NRF1: variants seen among roughly 807,000 people sequenced by gnomAD.
NRF1 encodes the protein nuclear respiratory factor 1, also known as alpha palindromic-binding protein.
A neutral mutation model predicts 58.5 loss-of-function variants in NRF1; 5 were observed. The observed-to-expected ratio is 0.09, with a 90% CI of 0.04 to 0.18. The LOEUF is 0.18. Among genes scored for constraint, NRF1 ranks in the 10% least tolerant of loss-of-function variants. The pLI, the probability that NRF1 is intolerant of heterozygous loss-of-function variation, is 1.00. For synonymous variants in NRF1, 224 were observed against 246.7 expected, an observed-to-expected ratio of 0.91 and a Z score of 0.86; for missense variants, 288 against 657.7, an observed-to-expected ratio of 0.44 and a Z score of 6.15.
chr7:129,744,332 A>T, intron 10 of NRF1: 1 of 933,916 alleles, frequency 1.1e-6, no homozygotes, highest in Non-Finnish European at 1.7e-6. Flanking sequence ...GGATTCCTCT[A>T]CTGTGCAGTC....
At chr7:129,642,709 A>AC (rs549515971) in intron 1 of NRF1, among the ~76,000 whole-genome samples, 120 of 151,082 alleles carry the variant, frequency 7.9e-4, no homozygotes, top group Non-Finnish European at 1.5e-3. Flanking sequence ...TTTCTCAGTT[A>AC]CCCCCAAAGA....
chr7:129,750,299 A>G (rs987235220), intron 10 of NRF1, among the ~76,000 whole-genome samples: 1 of 152,192 alleles, frequency 6.6e-6, no homozygotes, highest in African/African-American at 2.4e-5. Context: ...TCCCAGCCTG[A>G]TTACTGTACC....
chr7:129,680,165 ATAAT>A (rs1308266638), intron 4 of NRF1, among the ~76,000 whole-genome samples: 3 of 152,236 alleles, frequency 2.0e-5, no homozygotes, highest in Non-Finnish European at 2.9e-5. Flanking sequence ...CTAATGATAA[ATAAT>A]TATTTATCAT....
rs1213468172 is a variant in NRF1 at position 129,727,316 on chromosome 7, G to A, written c.1299G>A (p.Gly433=). 1.2e-6 allele frequency: 2 copies of A among 1,610,078 alleles called. No individual in the cohort carries two copies. Among genetic ancestry groups the A allele is most frequent in the South Asian group, 2.2e-5 (2 of 90,172 alleles). Reference sequence around the variant, plus strand: ...GTGGGGGACAGATCGTCTTGTCTGGGGAAACCGCAGCAGCCGTCGGAGCAC... The same window carrying A: ...GTGGGGGACAGATCGTCTTGTCTGGAGAAACCGCAGCAGCCGTCGGAGCAC... ...LQGGGQIVLS[G]ETAAAVGALT... Residue 433 remains glycine (G), a synonymous_variant, in exon 10 of 11, where the codon GGG becomes GGA. Transcript: ENST00000393232.
chr7:129,667,603 G>A lies in NRF1; in HGVS notation c.224-3826G>A, dbSNP rs972054205. Reference sequence around the variant, plus strand: ...TGAAGGTTTTTATTTATATTATTGTGAAATTTATTAATCTTTTACCTTATA... The same window carrying A: ...TGAAGGTTTTTATTTATATTATTGTAAAATTTATTAATCTTTTACCTTATA... On this transcript the variant is annotated intron_variant, in intron 2 of 10. Transcript: ENST00000393232. 2.0e-5 allele frequency among the ~76,000 whole-genome samples: 3 copies of A among 151,606 alleles called. No homozygotes were observed. In the East Asian group the frequency reaches 5.8e-4, roughly 29 times the overall value.
At chr7:129,625,877 T>G (rs1466820481) in intron 1 of NRF1, among the ~76,000 whole-genome samples, 1 of 151,962 alleles carries the variant, frequency 6.6e-6, no homozygotes, top group Non-Finnish European at 1.5e-5. Flanking sequence ...AGAGATGGGG[T>G]TTCACCATGT....
chr7:129,620,821 T>C (rs1211193124), intron 1 of NRF1, among the ~76,000 whole-genome samples: 1 of 152,254 alleles, frequency 6.6e-6, no homozygotes, highest in Non-Finnish European at 1.5e-5. Context: ...GTGTTGCTTA[T>C]GCTTTGGAAA....
rs965894008 is a variant in NRF1 at position 129,654,331 on chromosome 7, G to A, written c.-6-3015G>A. On this transcript the variant is annotated intron_variant, in intron 1 of 10. Coordinates refer to ENST00000393232, the MANE Select transcript of NRF1 (RefSeq NM_005011.5). The stretch of plus-strand genomic sequence containing the variant: ...AAATTGGGTTCATTTTCTTATTGTT[G>A]AGTTTTTAAGAATTCCTTATTTTGG... Among the ~76,000 whole-genome samples the A allele has an allele frequency of 5.9e-5, 9 of 152,010 alleles. No individual in the cohort carries two copies. The East Asian group carries it at 1.7e-3, about 29-fold the overall frequency.
chr7:129,739,135 C>A (rs1803789855), intron 10 of NRF1, among the ~76,000 whole-genome samples: 1 of 152,116 alleles, frequency 6.6e-6, no homozygotes, highest in African/African-American at 2.4e-5. Flanking sequence ...TCTGTACTGT[C>A]CAGTATGATA....
intron 8 of NRF1, among the ~76,000 whole-genome samples, chr7:129,714,304 A>G (rs1803140082): frequency 6.6e-6 from 1 of 152,216 alleles, no homozygotes; most frequent in Non-Finnish European, 1.5e-5. Context: ...AGTTGTAACT[A>G]AAAGTATCTA....
intron 10 of NRF1, among the ~76,000 whole-genome samples, chr7:129,732,303 T>C (rs1803599112): frequency 6.6e-6 from 1 of 152,238 alleles, no homozygotes; most frequent in Non-Finnish European, 1.5e-5. Flanking sequence ...TTTATACAGC[T>C]ATCTTTCATT....
chr7:129,633,539 A>G (rs1401492561), intron 1 of NRF1: 2 of 152,170 alleles, frequency 1.3e-5, no homozygotes, highest in African/African-American at 4.8e-5. Flanking sequence ...TACACAATTT[A>G]AGACAAGTGC....
chr7:129,619,431 TATACACAC>T (rs1800731128), intron 1 of NRF1, among the ~76,000 whole-genome samples: 1 of 71,544 alleles, frequency 1.4e-5, no homozygotes, highest in Non-Finnish European at 2.3e-5. Context: ...TATATATATA[TATACACAC>T]ACACACACAT....
chr7:129,625,515 T>A (rs1800892847), intron 1 of NRF1, among the ~76,000 whole-genome samples: 1 of 151,826 alleles, frequency 6.6e-6, no homozygotes, highest in African/African-American at 2.4e-5. Context: ...ATTTATTAGT[T>A]TTTTAGAAAC....
intron 5 of NRF1, among the ~76,000 whole-genome samples, chr7:129,708,818 G>A (rs1397606142): frequency 6.6e-6 from 1 of 152,082 alleles, no homozygotes; most frequent in Admixed American, 6.5e-5. Flanking sequence ...AAACTTAGGG[G>A]TAGATATTCT....
chr7:129,693,831 A>G (rs1344808429), intron 5 of NRF1, among the ~76,000 whole-genome samples: 1 of 152,082 alleles, frequency 6.6e-6, no homozygotes, highest in African/African-American at 2.4e-5. Flanking sequence ...GGTTTCTAAT[A>G]CTGTGTTAGG....
Position 129,727,305 on chromosome 7 carries a change from G to T in NRF1, c.1288G>T (p.Val430Phe). 8 of 1,609,906 alleles carry T rather than the reference G, an allele frequency of 5.0e-6. No individual in the cohort carries two copies. Among genetic ancestry groups the T allele is most frequent in the Non-Finnish European group, 6.8e-6 (8 of 1,178,672 alleles). Residue 430 changes from valine (V) to phenylalanine (F), a missense_variant, in exon 10 of 11, where the codon GTC becomes TTC. Physicochemically the swap from Val to Phe is conservative, Grantham distance 50. This residue lies in a region of NRF1 where 212 missense variants were observed against 559.7 expected (regional missense o/e 0.38). Transcript: ENST00000393232. ...CACCTTACAAGGTGGGGGACAGATCGTCTTGTCTGGGGAAACCGCAGCAGC... is the reference window on the plus strand; with the variant it reads ...CACCTTACAAGGTGGGGGACAGATCTTCTTGTCTGGGGAAACCGCAGCAGC... ...EATLQGGGQI[V>F]LSGETAAAVG... is the part of the protein sequence containing the mutation.
intron 2 of NRF1, among the ~76,000 whole-genome samples, 170 bp downstream of exon 2, chr7:129,657,744 G>A (rs1183534756): frequency 6.6e-6 from 1 of 151,734 alleles, no homozygotes; most frequent in Non-Finnish European, 1.5e-5. Flanking sequence ...GGAGTAGCTG[G>A]GACTGCTGAT....
intron 2 of NRF1, among the ~76,000 whole-genome samples, chr7:129,668,947 C>T (rs1801981702): frequency 6.6e-6 from 1 of 152,072 alleles, no homozygotes; most frequent in African/African-American, 2.4e-5. Flanking sequence ...CCCTCCCCTC[C>T]TGTCTCCTCT....
Sources: gnomAD v4.1 joint callset for allele counts (sites outside exome capture counted in the v4.1 genomes callset) on GRCh38, gnomAD v4.1.1 for gene constraint, gnomAD v4.1.1 regional missense constraint, MANE v1.5 for transcripts, NCBI Gene and HGNC (gene_info 2026-07-23, HGNC 2026-07-21) for gene names.